GRID1: variants seen among roughly 807,000 people sequenced by gnomAD.
The protein encoded by GRID1 is glutamate receptor ionotropic, delta-1.
In GRID1, 28 loss-of-function variants were observed where a neutral mutation model predicts 98.0. The observed-to-expected ratio is 0.29, with a 90% confidence interval of 0.21 to 0.39. The LOEUF (loss-of-function observed/expected upper bound fraction) is 0.39. Ranked by LOEUF, GRID1 falls within the 10% of genes least tolerant of loss-of-function variation. GRID1 has a pLI of 1.00. For synonymous variants in GRID1, 553 were observed against 538.5 expected (o/e 1.03, Z -0.37); for missense variants, 1,111 against 1,340.5 (o/e 0.83, Z 2.67).
chr10:85,969,704 G>A (rs1052031628), intron 4 of GRID1, among the ~76,000 whole-genome samples: 1 of 151,972 alleles, frequency 6.6e-6, no homozygotes, highest in African/African-American at 2.4e-5. Context: ...GTGCCTAGAG[G>A]AAAATTTGTG....
chr10:85,995,961 C>A (rs1355907861), intron 4 of GRID1, among the ~76,000 whole-genome samples: 1 of 152,190 alleles, frequency 6.6e-6, no homozygotes, highest in Non-Finnish European at 1.5e-5. Flanking sequence ...GACAGATTAC[C>A]ATTAGGTTCC....
intron 5 of GRID1, among the ~76,000 whole-genome samples, chr10:85,870,826 G>A (rs1297131150): frequency 6.6e-6 from 1 of 152,156 alleles, no homozygotes; most frequent in Non-Finnish European, 1.5e-5. Context: ...CCCATTCAGG[G>A]CCAGATGGGA....
intron 8 of GRID1, among the ~76,000 whole-genome samples, chr10:85,851,574 C>T (rs1843058809): frequency 6.6e-6 from 1 of 152,184 alleles, no homozygotes; most frequent in South Asian, 2.1e-4. Context: ...AGATTTCCCT[C>T]CAGGGTATTT....
intron 2 of GRID1, among the ~76,000 whole-genome samples, chr10:86,302,077 C>A (rs1564733344): frequency 6.6e-6 from 1 of 152,246 alleles, no homozygotes; most frequent in Non-Finnish European, 1.5e-5. Context: ...CTAAAAGCCT[C>A]ACTTGGCTCA....
rs11818227 is a variant in GRID1, at chr10:86,310,628, G to A, written c.235+53313C>T. ...ACCTGGTCTCCAGGCTTCCCACTGC[G>A]CCACGCATGGTTTCTGCAAAGAGGA... is the stretch of plus-strand genomic sequence containing the variant. On this transcript the variant is annotated intron_variant, in intron 2 of 15. Coordinates refer to ENST00000327946, the MANE Select transcript of GRID1 (RefSeq NM_017551.3). 8.5e-3 allele frequency among the ~76,000 whole-genome samples: 1,289 copies of A among 152,270 alleles called. 16 individuals carry two copies. Among genetic ancestry groups the A allele is most frequent in the African/African-American group, 0.03 (1,229 of 41,550 alleles).
chr10:85,959,032 G>A (rs1842231520), intron 4 of GRID1, among the ~76,000 whole-genome samples: 1 of 151,988 alleles, frequency 6.6e-6, no homozygotes. Context: ...TTGTCTGCCT[G>A]ACTGTGTTGA....
At chr10:85,701,736 C>T (rs1841453254) in intron 12 of GRID1, among the ~76,000 whole-genome samples, 1 of 152,120 alleles carries the variant, frequency 6.6e-6, no homozygotes, top group South Asian at 2.1e-4. Context: ...GAATGAAAAA[C>T]CAAACATCAT....
At chr10:85,829,754 G>T (rs895525613) in intron 8 of GRID1, among the ~76,000 whole-genome samples, 2 of 151,980 alleles carry the variant, frequency 1.3e-5, no homozygotes, top group African/African-American at 4.8e-5. Flanking sequence ...AGAGGTGAAA[G>T]ATTTCTACAA....
At chr10:85,890,000 G>C (rs1841173190) in intron 5 of GRID1, among the ~76,000 whole-genome samples, 1 of 152,070 alleles carries the variant, frequency 6.6e-6, no homozygotes, top group African/African-American at 2.4e-5. Flanking sequence ...AGGGTGATTA[G>C]CATAGCCATC....
intron 2 of GRID1, among the ~76,000 whole-genome samples, chr10:86,243,995 T>G (rs1200383937): frequency 6.6e-6 from 1 of 152,196 alleles, no homozygotes; most frequent in Non-Finnish European, 1.5e-5. Flanking sequence ...GTGCACTGTG[T>G]GTACACATAT....
At chr10:85,815,964 T>C (rs1842712605) in intron 8 of GRID1, among the ~76,000 whole-genome samples, 1 of 151,996 alleles carries the variant, frequency 6.6e-6, no homozygotes, top group African/African-American at 2.4e-5. Context: ...GGTACTACTA[T>C]ATATTTATTA....
At chr10:85,935,252 T>G (rs899274467) in intron 4 of GRID1, among the ~76,000 whole-genome samples, 6 of 152,174 alleles carry the variant, frequency 3.9e-5, no homozygotes, top group Non-Finnish European at 8.8e-5. Context: ...GGATCCCAAG[T>G]CTGCTCGTGG....
chr10:86,105,948 C>T (rs1844379184), intron 4 of GRID1, among the ~76,000 whole-genome samples: 2 of 152,096 alleles, frequency 1.3e-5, no homozygotes, highest in Non-Finnish European at 1.5e-5. Context: ...AGGATGGGGG[C>T]TGCTTCAGGG....
At chr10:85,648,044 TA>T (rs915759484) in intron 12 of GRID1, 4 of 152,100 alleles carry the variant, frequency 2.6e-5, no homozygotes, top group African/African-American at 7.2e-5. Context: ...TTTGAAAAAA[TA>T]AAAAAATTGG....
chr10:85,881,088 G>A (rs2131803028), intron 5 of GRID1, among the ~76,000 whole-genome samples: 1 of 152,246 alleles, frequency 6.6e-6, no homozygotes, highest in East Asian at 1.9e-4. Flanking sequence ...ACCTCTTCAA[G>A]GAGAACTACA....
chr10:85,624,917 A>G (rs1452064406), intron 13 of GRID1, among the ~76,000 whole-genome samples: 1 of 152,194 alleles, frequency 6.6e-6, no homozygotes, highest in African/African-American at 2.4e-5. Context: ...TATTAGGGAA[A>G]TAACAATAAA....
At chr10:85,838,632 A>G (rs908802455) in intron 8 of GRID1, among the ~76,000 whole-genome samples, 21 of 152,204 alleles carry the variant, frequency 1.4e-4, no homozygotes, top group African/African-American at 5.1e-4. Flanking sequence ...GAACTTCCTT[A>G]CAAGAGCTCT....
chr10:86,201,183 TA>T (rs1353486365), intron 3 of GRID1, among the ~76,000 whole-genome samples: 1 of 152,028 alleles, frequency 6.6e-6, no homozygotes, highest in East Asian at 1.9e-4. Flanking sequence ...CCACAGACAA[TA>T]AAGTAGATAA....
chr10:86,148,063 T>G (rs530433435), intron 3 of GRID1, among the ~76,000 whole-genome samples: 1 of 152,362 alleles, frequency 6.6e-6, no homozygotes, highest in South Asian at 2.1e-4. Context: ...GCAGGCCCTC[T>G]TCTCTGGGAA....
Sources: allele counts gnomAD v4.1 joint callset (sites outside exome capture counted in the v4.1 genomes callset), GRCh38; gene constraint gnomAD v4.1.1; transcripts MANE v1.5; gene names NCBI Gene and HGNC (gene_info 2026-07-23, HGNC 2026-07-21).